The following VIPR1 variants were observed in gnomAD, a reference collection of about 807,000 sequenced individuals.
VIPR1 encodes vasoactive intestinal peptide receptor 1.
A neutral mutation model predicts 58.8 loss-of-function variants in VIPR1; 59 were observed. The observed-to-expected ratio is 1.00, with a 90% CI of 0.81 to 1.25. VIPR1 has a LOEUF of 1.25. Among genes scored for constraint, VIPR1 ranks in the 50% most tolerant of loss-of-function variants. The pLI is 0.00. For synonymous variants in VIPR1, 251 were observed against 242.1 expected (o/e 1.04, Z -0.34); for missense variants, 626 against 602.7 (o/e 1.04, Z -0.40).
chr3:42,534,914 C>T, intron 10 of VIPR1, 61 bp from the exon 11 acceptor site: 1 of 1,591,922 alleles, frequency 6.3e-7, no homozygotes, highest in Admixed American at 1.7e-5. Flanking sequence ...CCATGCCACA[C>T]CCTATCATAT....
rs1339825984 is a variant in VIPR1, at chr3:42,530,903, A to G, written c.761A>G (p.Tyr254Cys). ...LAVSFFSERK[Y>C]FWGYILIGWG... ...GTCTCCTTCTTCTCTGAGCGGAAGT[A>G]CTTCTGGGGGTACATACTCATCGGC... is the stretch of plus-strand genomic sequence containing the variant. Residue 254 changes from tyrosine to cysteine, a missense_variant, in exon 7 of 13, where the codon TAC becomes TGC. Transcript: ENST00000325123. 2.5e-6 allele frequency: 4 copies of G among 1,613,980 alleles called. No homozygotes were observed. Among genetic ancestry groups the G allele is most frequent in the Non-Finnish European group, 3.4e-6 (4 of 1,179,924 alleles).
chr3:42,511,079 A>C (rs1480874483), intron 1 of VIPR1, among the ~76,000 whole-genome samples: 1 of 152,196 alleles, frequency 6.6e-6, no homozygotes, highest in Non-Finnish European at 1.5e-5. Context: ...CAGAAAACTC[A>C]ACTGATCCAA....
chr3:42,495,279 T>A (rs139822848), intron 1 of VIPR1, among the ~76,000 whole-genome samples: 281 of 151,220 alleles, frequency 1.9e-3, no homozygotes, highest in African/African-American at 6.4e-3. Flanking sequence ...CCACCACCAC[T>A]CCCGGCTAAA....
chr3:42,519,129 GGGA>G, intron 2 of VIPR1, 91 bp from the exon 3 acceptor site: 1 of 1,022,108 alleles, frequency 9.8e-7, no homozygotes, highest in Non-Finnish European at 1.4e-6. Context: ...GCCTGGCAGA[GGGA>G]GGAAGAGAGT....
intron 3 of VIPR1, among the ~76,000 whole-genome samples, chr3:42,520,679 A>G (rs1312829626): frequency 6.6e-6 from 1 of 152,102 alleles, no homozygotes; most frequent in Non-Finnish European, 1.5e-5. Context: ...CAGAACTTAT[A>G]TAATTATTCA....
At position 42,536,515 on chromosome 3, in the gene VIPR1, G is replaced by T; in HGVS notation, c.*234G>T. On this transcript the variant is annotated 3_prime_UTR_variant, in exon 13 of 13. Coordinates refer to ENST00000325123, the MANE Select transcript of VIPR1 (RefSeq NM_004624.4). The stretch of plus-strand genomic sequence containing the variant: ...GGAGCTCCTCTCCTGGAGGATTGCA[G>T]GTGGAACTCAGTCATTAGACTCCTC... 2.3e-6 allele frequency: 1 copy of T among 441,074 alleles called. No homozygotes were observed. Among genetic ancestry groups the T allele is most frequent in the Admixed American group, 4.4e-5 (1 of 22,982 alleles). 27.3% of individuals were successfully genotyped at this position (441,074 alleles called of 1,614,324 possible). A position where few individuals can be genotyped will look rare whatever the true frequency, so the allele number is the denominator to read the frequency against.
intron 9 of VIPR1, 89 bp downstream of exon 9, chr3:42,531,958 A>G: frequency 6.8e-7 from 1 of 1,465,494 alleles, no homozygotes; most frequent in South Asian, 1.2e-5. Context: ...ATTAGTATCT[A>G]GGTCAGAACT....
At chr3:42,494,590 A>G (rs986165294) in intron 1 of VIPR1, among the ~76,000 whole-genome samples, 2 of 152,216 alleles carry the variant, frequency 1.3e-5, no homozygotes, top group African/African-American at 4.8e-5. Context: ...TCTTGGAACT[A>G]TGTCCTTTCT....
In VIPR1 at chr3:42,535,285, G is replaced by A. The variant is rs1577262481; in HGVS notation, c.1141-58G>A. The stretch of plus-strand genomic sequence containing the variant: ...CACAGGGGCTGGAGCCAGGGGTGGG[G>A]CAGGGCTGGGGGCTTCTGGTCTGTC... On this transcript the variant is annotated intron_variant, in intron 11 of 12. Coordinates refer to ENST00000325123, the MANE Select transcript of VIPR1 (RefSeq NM_004624.4). 5.0e-6 allele frequency: 8 copies of A among 1,605,892 alleles called. No individual in the cohort carries two copies. The East Asian group carries it at 1.1e-4, about 22-fold the overall frequency.
At chr3:42,504,642 C>T (rs1700023189) in intron 1 of VIPR1, among the ~76,000 whole-genome samples, 1 of 151,570 alleles carries the variant, frequency 6.6e-6, no homozygotes, top group Non-Finnish European at 1.5e-5. Context: ...TGGGTGAGGG[C>T]AGGCTGGAGT....
chr3:42,522,789 T>C (rs749717748), intron 3 of VIPR1, among the ~76,000 whole-genome samples: 1 of 152,000 alleles, frequency 6.6e-6, no homozygotes, highest in Non-Finnish European at 1.5e-5. Context: ...TGGTGACTGA[T>C]GGGGGAGAGG....
chr3:42,514,414 C>A (rs760954730), intron 2 of VIPR1, among the ~76,000 whole-genome samples: 1 of 152,014 alleles, frequency 6.6e-6, no homozygotes, highest in Non-Finnish European at 1.5e-5. Flanking sequence ...CAAGAAGGGG[C>A]ACAAGTTTTG....
intron 4 of VIPR1, among the ~76,000 whole-genome samples, chr3:42,526,231 G>GCAGCTC (rs938222748): frequency 6.6e-6 from 1 of 152,336 alleles, no homozygotes; most frequent in African/African-American, 2.4e-5. Context: ...AAAAGCTGAA[G>GCAGCTC]CAGCTCCCCC....
At chr3:42,527,557 G>A (rs1385317609) in intron 5 of VIPR1, 61 bp downstream of exon 5, 36 of 1,552,734 alleles carry the variant, frequency 2.3e-5, no homozygotes, top group Middle Eastern at 1.7e-4. Flanking sequence ...CTCCCACAGT[G>A]GAGCCCAGCG....
chr3:42,528,113 C>T lies in VIPR1; in HGVS notation c.626C>T (p.Ser209Phe). 2.5e-6 allele frequency: 4 copies of T among 1,613,622 alleles called. No individual in the cohort carries two copies. The highest frequency in any genetic ancestry group is 3.4e-6 in the Non-Finnish European group (4 of 1,179,858). ...GACAGCGGGGAGTCGGACCAGTGCT[C>T]CGAGGGCTCGGTGAGGATCCTGGCC... ...LFDSGESDQC[S>F]EGSVGCKAAM... The change falls in exon 6 of 13, where the codon TCC becomes TTC. Residue 209 changes from serine to phenylalanine, a missense_variant. Transcript: ENST00000325123.
At chr3:42,493,836 T>C (rs1472265735) in intron 1 of VIPR1, among the ~76,000 whole-genome samples, 1 of 152,234 alleles carries the variant, frequency 6.6e-6, no homozygotes, top group South Asian at 2.1e-4. Flanking sequence ...TGGGCTGTGC[T>C]CTACCTTCTC....
At position 42,536,552 on chromosome 3, in the gene VIPR1, C is replaced by A; in HGVS notation, c.*271C>A. Reference sequence around the variant, plus strand: ...TCATTAGACTCCTCCTCCAAAGGCCCCCTACGCCAATCAAGGGCAAAAAGT... The same window carrying A: ...TCATTAGACTCCTCCTCCAAAGGCCACCTACGCCAATCAAGGGCAAAAAGT... On this transcript the variant is annotated 3_prime_UTR_variant, in exon 13 of 13. Transcript: ENST00000325123. 2.6e-6 allele frequency: 1 copy of A among 391,724 alleles called. No homozygotes were observed. Among genetic ancestry groups the A allele is most frequent in the Non-Finnish European group, 4.5e-6 (1 of 221,990 alleles). 24.3% of individuals were successfully genotyped at this position (391,724 alleles called of 1,614,324 possible).
intron 1 of VIPR1, among the ~76,000 whole-genome samples, chr3:42,493,511 A>G (rs1699704048): frequency 6.6e-6 from 1 of 152,186 alleles, no homozygotes; most frequent in Non-Finnish European, 1.5e-5. Context: ...TATGCTGGAT[A>G]CCTGTGGCTG....
chr3:42,525,611 A>G (rs987126523), intron 3 of VIPR1, among the ~76,000 whole-genome samples: 7 of 152,200 alleles, frequency 4.6e-5, no homozygotes, highest in African/African-American at 1.7e-4. Context: ...ATAAGAGTGT[A>G]TGTTGTACTT....
Sources: gnomAD v4.1 joint callset for allele counts (sites outside exome capture counted in the v4.1 genomes callset) on GRCh38, gnomAD v4.1.1 for gene constraint, MANE v1.5 for transcripts, NCBI Gene and HGNC (gene_info 2026-07-23, HGNC 2026-07-21) for gene names.